Variants in RAB2A observed in about 807,000 individuals in gnomAD.
RAB2A encodes the protein RAB2A, member RAS oncogene family.
RAB2A carries 7 observed loss-of-function variants against 32.5 expected under a neutral mutation model. The ratio of observed to expected loss-of-function variants is 0.22; its 90% confidence interval spans 0.12 to 0.40. RAB2A has a LOEUF of 0.40. RAB2A is among the 10% of genes least tolerant of loss of function. The probability of loss-of-function intolerance (pLI) is 1.00; values close to 1 mark genes in which losing one functional copy is unlikely to be tolerated. For missense variants in RAB2A, 108 were observed against 260.7 expected (o/e 0.41, Z 4.03); for synonymous variants, 79 against 85.2 (o/e 0.93, Z 0.40).
intron 7 of RAB2A, among the ~76,000 whole-genome samples, chr8:60,620,420 G>A (rs1193692279): frequency 6.6e-6 from 1 of 152,192 alleles, no homozygotes; most frequent in Non-Finnish European, 1.5e-5. Context: ...TTCCTGAAAA[G>A]CAGCATTATC....
chr8:60,528,467 A>T (rs1311828732), intron 1 of RAB2A, among the ~76,000 whole-genome samples: 6 of 151,926 alleles, frequency 3.9e-5, no homozygotes, highest in Middle Eastern at 3.4e-3. Flanking sequence ...CAAAAACATA[A>T]TTTTTTTTGC....
At chr8:60,559,041 T>TA (rs1807980694) in intron 2 of RAB2A, 118 bp downstream of exon 2, 7 of 712,554 alleles carry the variant, frequency 9.8e-6, no homozygotes, top group South Asian at 8.8e-5. Context: ...GATTTGTTGT[T>TA]ACGCTGTTTA....
At chr8:60,539,588 C>T (rs1291974579) in intron 1 of RAB2A, among the ~76,000 whole-genome samples, 3 of 152,104 alleles carry the variant, frequency 2.0e-5, no homozygotes, top group Non-Finnish European at 2.9e-5. Context: ...AAATATAAAA[C>T]GTAGGACTAA....
At chr8:60,598,666 C>T (rs962470284) in intron 6 of RAB2A, among the ~76,000 whole-genome samples, 2 of 151,540 alleles carry the variant, frequency 1.3e-5, no homozygotes, top group African/African-American at 4.8e-5. Context: ...GAAGAGAAAC[C>T]ACGTGATTAT....
At chr8:60,542,743 G>T (rs1387347409) in intron 1 of RAB2A, among the ~76,000 whole-genome samples, 1 of 151,906 alleles carries the variant, frequency 6.6e-6, no homozygotes, top group Non-Finnish European at 1.5e-5. Flanking sequence ...TAGAGGGTTA[G>T]TTCTTCATAT....
rs1253289039 is a variant in RAB2A at position 60,576,353 on chromosome 8, TCTTTTTCTCTTA to T, written c.186+4252_186+4263del. The T allele has an allele frequency of 1.6e-4, 69 of 438,330 alleles. 2 individuals are homozygous for T. The Middle Eastern group carries it at 3.3e-3, about 21-fold the overall frequency. 27.2% of individuals were successfully genotyped at this position (438,330 alleles called of 1,614,324 possible). ...CATTACTGCCTTGTTCTGCTCTTGTTCTTTTTCTCTTACTTTTTCTCTTGCCTTCTATTCCTC... is the reference window on the plus strand; with the variant it reads ...CATTACTGCCTTGTTCTGCTCTTGTTCTTTTTCTCTTGCCTTCTATTCCTC... On this transcript the variant is annotated intron_variant, in intron 3 of 7. Transcript: ENST00000262646.
In RAB2A at chr8:60,517,187, T is replaced by C. The variant is rs1430825122; in HGVS notation, c.-21T>C. The C allele has an allele frequency of 2.0e-6, 3 of 1,487,142 alleles. No homozygotes were observed. In the South Asian group the frequency reaches 3.9e-5, roughly 19 times the overall value. The allele number at this position is 1,487,142 out of a possible 1,614,324, so 92.1% of individuals were successfully genotyped here. On this transcript the variant is annotated 5_prime_UTR_variant, in exon 1 of 8. Coordinates refer to ENST00000262646, the MANE Select transcript of RAB2A (RefSeq NM_002865.3). ...CAGCGGGAGGAGGAGCCGTGTGCCC[T>C]GGCACTGAGCGGCCGCGGCCATGGC... is the stretch of plus-strand genomic sequence containing the variant.
chr8:60,517,307 G>A, intron 1 of RAB2A, 54 bp downstream of exon 1: 2 of 1,435,926 alleles, frequency 1.4e-6, no homozygotes, highest in Non-Finnish European at 1.8e-6. Context: ...GACCCGGGCT[G>A]AGGGGCAAAC....
At chr8:60,580,703 A>G (rs890135657) in intron 3 of RAB2A, among the ~76,000 whole-genome samples, 7 of 152,238 alleles carry the variant, frequency 4.6e-5, no homozygotes, top group Non-Finnish European at 8.8e-5. Flanking sequence ...TTATTTCCAT[A>G]TTGGAACGTG....
chr8:60,566,468 G>GT (rs891516713), intron 2 of RAB2A, among the ~76,000 whole-genome samples: 6 of 151,292 alleles, frequency 4.0e-5, no homozygotes, highest in East Asian at 1.9e-4. Flanking sequence ...TAGTTTTTTT[G>GT]TTTTTTTGTT....
At chr8:60,540,013 G>C (rs1478907906) in intron 1 of RAB2A, among the ~76,000 whole-genome samples, 2 of 151,844 alleles carry the variant, frequency 1.3e-5, no homozygotes, top group Admixed American at 1.3e-4. Flanking sequence ...GGTTAAGGTA[G>C]AGTTTGAACT....
intron 2 of RAB2A, among the ~76,000 whole-genome samples, chr8:60,563,433 C>G (rs1464439376): frequency 6.6e-6 from 1 of 152,220 alleles, no homozygotes; most frequent in Admixed American, 6.5e-5. Flanking sequence ...TGCATTTTAA[C>G]AGGATCGCCA....
At chr8:60,568,022 T>C (rs1269849449) in intron 2 of RAB2A, among the ~76,000 whole-genome samples, 1 of 152,228 alleles carries the variant, frequency 6.6e-6, no homozygotes, top group Admixed American at 6.5e-5. Flanking sequence ...ACATTACTTT[T>C]TGTATCTAGT....
At chr8:60,542,850 C>A (rs541537912) in intron 1 of RAB2A, among the ~76,000 whole-genome samples, 42 of 152,280 alleles carry the variant, frequency 2.8e-4, no homozygotes, top group African/African-American at 1.0e-3. Context: ...AGATCTTTTA[C>A]ATTCTGAAAG....
chr8:60,550,449 A>T (rs922529215), intron 1 of RAB2A, among the ~76,000 whole-genome samples: 1 of 149,266 alleles, frequency 6.7e-6, no homozygotes, highest in African/African-American at 2.5e-5. Context: ...CAGTGGTGTG[A>T]TCTCGGCTCG....
chr8:60,536,575 G>T (rs765468322), intron 1 of RAB2A, among the ~76,000 whole-genome samples: 57 of 152,184 alleles, frequency 3.7e-4, no homozygotes, highest in Non-Finnish European at 5.4e-4. Context: ...AGTGTGTTAA[G>T]ATACATGACT....
chr8:60,605,907 G>A (rs1804223482), intron 6 of RAB2A, among the ~76,000 whole-genome samples: 1 of 149,866 alleles, frequency 6.7e-6, no homozygotes, highest in Non-Finnish European at 1.5e-5. Flanking sequence ...CCAGCACTTT[G>A]GGAGGCCAAG....
intron 5 of RAB2A, among the ~76,000 whole-genome samples, chr8:60,590,916 G>GT (rs1260162218): frequency 6.6e-6 from 1 of 151,804 alleles, no homozygotes; most frequent in African/African-American, 2.4e-5. Flanking sequence ...TTAGGTAGTG[G>GT]TTACCTTTAG....
intron 6 of RAB2A, among the ~76,000 whole-genome samples, chr8:60,601,491 C>T (rs554953318): frequency 6.6e-6 from 1 of 152,310 alleles, no homozygotes; most frequent in South Asian, 2.1e-4. Flanking sequence ...GCATGTGCCA[C>T]CACGCCTGGC....
Sources: allele counts gnomAD v4.1 joint callset (sites outside exome capture counted in the v4.1 genomes callset), GRCh38; gene constraint gnomAD v4.1.1; transcripts MANE v1.5; gene names NCBI Gene and HGNC (gene_info 2026-07-23, HGNC 2026-07-21).